The following RIMS1 variants were observed in gnomAD, a reference collection of about 807,000 sequenced individuals.
RIMS1 encodes regulating synaptic membrane exocytosis 1, also known as regulating synaptic membrane exocytosis protein 1.
RIMS1 carries 83 observed loss-of-function variants against 214.1 expected under a neutral mutation model. The observed-to-expected ratio is 0.39, with a 90% confidence interval of 0.32 to 0.47. The LOEUF (loss-of-function observed/expected upper bound fraction) is 0.47. RIMS1 is among the 20% of genes least tolerant of loss of function. The pLI is 0.99. For synonymous variants in RIMS1, 793 were observed against 786.8 expected (o/e 1.01, Z -0.13); for missense variants, 2,050 against 2,161.8 (o/e 0.95, Z 1.03).
At chr6:72,087,773 T>A (rs1835040927) in intron 2 of RIMS1, among the ~76,000 whole-genome samples, 1 of 152,222 alleles carries the variant, frequency 6.6e-6, no homozygotes, top group African/African-American at 2.4e-5. Context: ...TATTAACAAA[T>A]CTTCAAATAA....
At chr6:72,223,151 T>C (rs2059068409) in intron 6 of RIMS1, among the ~76,000 whole-genome samples, 1 of 152,244 alleles carries the variant, frequency 6.6e-6, no homozygotes, top group Admixed American at 6.5e-5. Flanking sequence ...GGTGTGTTTT[T>C]CTAGGAATAA....
intron 4 of RIMS1, among the ~76,000 whole-genome samples, chr6:72,148,429 C>G (rs533275148): frequency 7.6e-4 from 116 of 152,266 alleles, no homozygotes; most frequent in Middle Eastern, 3.4e-3. Context: ...CTTATATCCT[C>G]GAGTCCTGGT....
Position 72,179,633 on chromosome 6 carries a change from C to T in RIMS1, c.530C>T (p.Ala177Val). ...CAAGAAATCTTAACCAAATCTGGGGCATGGTTCTTTGGAAGTGGCCCTCAG... is the reference window on the plus strand; with the variant it reads ...CAAGAAATCTTAACCAAATCTGGGGTATGGTTCTTTGGAAGTGGCCCTCAG... Reference protein sequence around the residue: ...KQQEILTKSGAWFFGSGPQQT... With the variant: ...KQQEILTKSGVWFFGSGPQQT... Residue 177 changes from alanine (A) to valine (V), a missense_variant, in exon 5 of 34, where the codon GCA becomes GTA. Physicochemically the swap from Ala to Val is moderately conservative, Grantham distance 64. Around this residue, in one of 6 missense-constraint regions of RIMS1, gnomAD observed 882 missense variants for 828.9 expected, o/e 1.06. Transcript: ENST00000521978. The T allele has an allele frequency of 6.2e-7, 1 of 1,613,886 alleles. No individual in the cohort carries two copies. The highest frequency in any genetic ancestry group is 8.5e-7 in the Non-Finnish European group (1 of 1,179,870).
chr6:72,065,152 A>T (rs1372579441), intron 2 of RIMS1, among the ~76,000 whole-genome samples: 1 of 152,164 alleles, frequency 6.6e-6, no homozygotes, highest in Non-Finnish European at 1.5e-5. Flanking sequence ...ATTAACATGG[A>T]GCAAAAAGAG....
intron 28 of RIMS1, among the ~76,000 whole-genome samples, chr6:72,317,703 T>C (rs2095878603): frequency 6.6e-6 from 1 of 152,192 alleles, no homozygotes; most frequent in Non-Finnish European, 1.5e-5. Context: ...CTTGGATTTT[T>C]GTGATGCATA....
chr6:72,364,609 G>C (rs1314503887), intron 29 of RIMS1, among the ~76,000 whole-genome samples: 1 of 152,130 alleles, frequency 6.6e-6, no homozygotes, highest in Admixed American at 6.6e-5. Flanking sequence ...CAACTGTGTT[G>C]GTCAGGCTCC....
chr6:71,976,473 T>C (rs1025065549), intron 2 of RIMS1, among the ~76,000 whole-genome samples: 2 of 152,188 alleles, frequency 1.3e-5, no homozygotes, highest in African/African-American at 4.8e-5. Context: ...TTATAAGTGT[T>C]CTTCACATGT....
intron 2 of RIMS1, among the ~76,000 whole-genome samples, chr6:72,057,999 T>G (rs1465495937): frequency 6.6e-6 from 1 of 152,248 alleles, no homozygotes; most frequent in East Asian, 1.9e-4. Context: ...TGCAGTTGCA[T>G]AGTTGCTTAG....
intron 2 of RIMS1, among the ~76,000 whole-genome samples, chr6:71,980,683 G>A (rs1798266068): frequency 6.6e-6 from 1 of 151,974 alleles, no homozygotes; most frequent in South Asian, 2.1e-4. Context: ...ATGAGCGTAC[G>A]GCATTCCTGG....
intron 4 of RIMS1, among the ~76,000 whole-genome samples, chr6:72,125,322 A>C (rs1428394864): frequency 6.6e-6 from 1 of 152,198 alleles, no homozygotes; most frequent in Non-Finnish European, 1.5e-5. Context: ...GCTGCAGAAC[A>C]GCAAATATTG....
chr6:72,018,283 G>A (rs1454614124), intron 2 of RIMS1, among the ~76,000 whole-genome samples: 1 of 152,132 alleles, frequency 6.6e-6, no homozygotes, highest in African/African-American at 2.4e-5. Flanking sequence ...AATATGGAGT[G>A]TAAGGAAAAA....
At chr6:72,056,310 G>C (rs551987179) in intron 2 of RIMS1, among the ~76,000 whole-genome samples, 9 of 152,054 alleles carry the variant, frequency 5.9e-5, no homozygotes, top group African/African-American at 2.2e-4. Flanking sequence ...TACTTATCAG[G>C]TACTATGCTT....
At chr6:71,893,934 C>T (rs1427900873) in intron 1 of RIMS1, among the ~76,000 whole-genome samples, 1 of 152,060 alleles carries the variant, frequency 6.6e-6, no homozygotes, top group East Asian at 1.9e-4. Flanking sequence ...GTATGGTAAC[C>T]CCTTCTCTCA....
At chr6:71,975,177 A>G (rs1334237709) in intron 2 of RIMS1, among the ~76,000 whole-genome samples, 1 of 152,242 alleles carries the variant, frequency 6.6e-6, no homozygotes, top group Non-Finnish European at 1.5e-5. Flanking sequence ...CATTTCATAT[A>G]TACAAAAAAT....
intron 1 of RIMS1, among the ~76,000 whole-genome samples, chr6:71,938,796 G>C (rs188599190): frequency 1.6e-4 from 25 of 152,292 alleles, no homozygotes; most frequent in Non-Finnish European, 2.6e-4. Context: ...TGAAGGCATA[G>C]TACCTGGCTT....
At chr6:71,912,413 G>T (rs1381176195) in intron 1 of RIMS1, among the ~76,000 whole-genome samples, 1 of 152,024 alleles carries the variant, frequency 6.6e-6, no homozygotes, top group Non-Finnish European at 1.5e-5. Flanking sequence ...ATAAAATACA[G>T]ATGTAAAATG....
chr6:72,003,740 T>TA (rs1806228037), intron 2 of RIMS1, among the ~76,000 whole-genome samples: 1 of 152,166 alleles, frequency 6.6e-6, no homozygotes, highest in African/African-American at 2.4e-5. Flanking sequence ...TCAAGTCACC[T>TA]ACTGAATATA....
chr6:71,993,648 C>T (rs1310906221), intron 2 of RIMS1, among the ~76,000 whole-genome samples: 1 of 152,172 alleles, frequency 6.6e-6, no homozygotes, highest in Non-Finnish European at 1.5e-5. Context: ...TGAACATGTC[C>T]ACTCACAGCA....
intron 4 of RIMS1, among the ~76,000 whole-genome samples, chr6:72,141,496 C>G (rs2042076373): frequency 6.6e-6 from 1 of 151,908 alleles, no homozygotes; most frequent in Non-Finnish European, 1.5e-5. Context: ...GCAAAGTTCT[C>G]ATTAATAAGT....
Sources: gnomAD v4.1 joint callset for allele counts (sites outside exome capture counted in the v4.1 genomes callset) on GRCh38, gnomAD v4.1.1 for gene constraint, gnomAD v4.1.1 regional missense constraint, MANE v1.5 for transcripts, NCBI Gene and HGNC (gene_info 2026-07-23, HGNC 2026-07-21) for gene names.